The following RACGAP1 variants were observed in gnomAD, a reference collection of about 807,000 sequenced individuals.
The protein encoded by RACGAP1 is rac GTPase-activating protein 1.
In RACGAP1, 30 loss-of-function variants were observed where a neutral mutation model predicts 78.1. The ratio of observed to expected loss-of-function variants is 0.38; its 90% CI spans 0.29 to 0.52. The LOEUF (loss-of-function observed/expected upper bound fraction) is 0.52. Among genes scored for constraint, RACGAP1 ranks in the 20% least tolerant of loss-of-function variants. The probability of loss-of-function intolerance (pLI) is 0.82; values close to 1 mark genes in which losing one functional copy is unlikely to be tolerated. For synonymous variants in RACGAP1, 231 were observed against 264.8 expected (o/e 0.87, Z 1.24); for missense variants, 587 against 777.1 (o/e 0.76, Z 2.91).
chr12:50,021,674 C>T (rs1950017127), intron 1 of RACGAP1, among the ~76,000 whole-genome samples: 5 of 152,152 alleles, frequency 3.3e-5, no homozygotes, highest in Admixed American at 3.3e-4. Flanking sequence ...GTGTTAAATA[C>T]TTTAAGACAA....
At chr12:50,002,196 T>C (rs1443797061) in intron 6 of RACGAP1, 51 bp downstream of exon 6, 1 of 1,561,402 alleles carries the variant, frequency 6.4e-7, no homozygotes, top group South Asian at 1.1e-5. Context: ...TTTCCAAAAA[T>C]AACTCCATTA....
chr12:49,999,401 TA>T, intron 8 of RACGAP1, 130 bp from the exon 9 acceptor site: 3 of 1,240,006 alleles, frequency 2.4e-6, no homozygotes, highest in Non-Finnish European at 3.3e-6. Flanking sequence ...AATGGCTATG[TA>T]AAAAAACAGT....
At chr12:50,012,169 G>A (rs925226740) in intron 2 of RACGAP1, among the ~76,000 whole-genome samples, 3 of 151,980 alleles carry the variant, frequency 2.0e-5, no homozygotes, top group African/African-American at 7.2e-5. Flanking sequence ...GTTCACACCT[G>A]TAATCCCAGC....
chr12:50,011,537 G>A (rs1009489821), intron 2 of RACGAP1, among the ~76,000 whole-genome samples: 5 of 151,386 alleles, frequency 3.3e-5, no homozygotes, highest in African/African-American at 9.7e-5. Flanking sequence ...GACCAGCCCA[G>A]GAAACATGGC....
At position 49,989,996 on chromosome 12, in the gene RACGAP1, A is replaced by G; in HGVS notation, c.*272T>C. 1 of 358,404 alleles carries G rather than the reference A, an allele frequency of 2.8e-6. No homozygotes were observed. Among genetic ancestry groups the G allele is most frequent in the Non-Finnish European group, 5.0e-6 (1 of 198,130 alleles). The allele number at this position is 358,404 out of a possible 1,614,324, so 22.2% of individuals were successfully genotyped here. A position where few individuals can be genotyped will look rare whatever the true frequency, so the allele number is the denominator to read the frequency against. On this transcript the variant is annotated 3_prime_UTR_variant, in exon 17 of 17. Coordinates refer to ENST00000312377, the MANE Select transcript of RACGAP1 (RefSeq NM_001319999.2). The stretch of plus-strand genomic sequence containing the variant: ...ACCCCCTTCCCCAAAAAGAATCACA[A>G]CCAATTCCATACTAACCCTTCTACC...
At chr12:49,998,373 C>T (rs548389182) in intron 9 of RACGAP1, among the ~76,000 whole-genome samples, 1 of 151,664 alleles carries the variant, frequency 6.6e-6, no homozygotes, top group Non-Finnish European at 1.5e-5. Context: ...CACTGCACTC[C>T]AGCCTGGGCA....
At chr12:50,010,570 G>A (rs536780985) in intron 2 of RACGAP1, among the ~76,000 whole-genome samples, 18 of 151,796 alleles carry the variant, frequency 1.2e-4, no homozygotes, top group Non-Finnish European at 2.5e-4. Flanking sequence ...TGATCCACCT[G>A]CCTTGGCCTC....
intron 1 of RACGAP1, among the ~76,000 whole-genome samples, chr12:50,021,790 C>A (rs574473044): frequency 6.6e-6 from 1 of 152,294 alleles, no homozygotes; most frequent in South Asian, 2.1e-4. Flanking sequence ...AATATAGATT[C>A]CCTGCTGTCA....
Position 50,005,330 on chromosome 12 carries a change from T to G in RACGAP1, c.351A>C (p.Leu117=), listed in dbSNP as rs747225852. The change falls in exon 4 of 17, where the codon CTA becomes CTC. Residue 117 remains leucine (L), a synonymous_variant. Coordinates refer to ENST00000312377, the MANE Select transcript of RACGAP1 (RefSeq NM_001319999.2). The part of the protein sequence containing the change: ...LMCDTSGSIQ[L]SEEQKSALAF... Reference sequence around the variant, plus strand: ...CCAGAGCTGATTTTTGCTCCTCGCTTAGTTGAATGCTGCCAGATGTGTCAC... The same window carrying G: ...CCAGAGCTGATTTTTGCTCCTCGCTGAGTTGAATGCTGCCAGATGTGTCAC... 4 of 1,614,240 alleles carry G rather than the reference T, an allele frequency of 2.5e-6. No individual in the cohort carries two copies. The South Asian group carries it at 4.4e-5, about 18-fold the overall frequency.
At chr12:49,991,493 T>TA (rs1947870012) in intron 15 of RACGAP1, among the ~76,000 whole-genome samples, 1 of 52,386 alleles carries the variant, frequency 1.9e-5, no homozygotes, top group Non-Finnish European at 5.1e-5. Flanking sequence ...TTTTTTTTTT[T>TA]TTTTTTTTTT....
intron 5 of RACGAP1, among the ~76,000 whole-genome samples, chr12:50,003,905 A>G (rs1266692095): frequency 6.6e-6 from 1 of 152,226 alleles, no homozygotes; most frequent in Non-Finnish European, 1.5e-5. Flanking sequence ...AACCCTGACG[A>G]CATACAGTCT....
intron 2 of RACGAP1, among the ~76,000 whole-genome samples, chr12:50,011,910 TG>T (rs1949358396): frequency 1.5e-5 from 2 of 136,522 alleles, no homozygotes; most frequent in Admixed American, 8.6e-5. Context: ...GCCGAGATCG[TG>T]CCACTGTACT....
At chr12:50,026,329 T>C (rs1042399894), upstream of RACGAP1, among the ~76,000 whole-genome samples, 3 of 151,304 alleles carry the variant, frequency 2.0e-5, no homozygotes, top group African/African-American at 7.3e-5. Flanking sequence ...GATCACTTAC[T>C]GTCACATTGG....
intron 7 of RACGAP1, 96 bp downstream of exon 7, chr12:50,001,076 C>T: frequency 2.9e-6 from 3 of 1,036,480 alleles, no homozygotes; most frequent in Non-Finnish European, 4.3e-6. Context: ...TTTAACTAAA[C>T]ATCATGTCTC....
chr12:50,009,242 CAAAAAAAAAAA>C (rs397751749), intron 2 of RACGAP1, among the ~76,000 whole-genome samples: 1 of 65,260 alleles, frequency 1.5e-5, no homozygotes, highest in Non-Finnish European at 3.4e-5. Context: ...GATGCTGTCT[CAAAAAAAAAAA>C]AAAAAAAAAA....
intron 2 of RACGAP1, among the ~76,000 whole-genome samples, chr12:50,030,830 A>C (rs1450699765): frequency 6.6e-6 from 1 of 151,710 alleles, no homozygotes; most frequent in African/African-American, 2.4e-5. Context: ...CCCAGGCTGG[A>C]GTGCAATGGC....
chr12:50,028,004 A>G (rs991492552), upstream of RACGAP1, among the ~76,000 whole-genome samples: 1 of 152,166 alleles, frequency 6.6e-6, no homozygotes, highest in African/African-American at 2.4e-5. Context: ...ATGAGACCAC[A>G]CTAGGAACGG....
intron 9 of RACGAP1, among the ~76,000 whole-genome samples, chr12:49,998,201 G>A (rs1363799589): frequency 6.6e-6 from 1 of 151,964 alleles, no homozygotes; most frequent in Non-Finnish European, 1.5e-5. Context: ...TCAGTAGTTT[G>A]AGACCAGCCT....
Position 50,001,346 on chromosome 12 carries a change from C to T in RACGAP1, c.550-94G>A. ...CCATCAAACAACTTGGATACAGGTC[C>T]TGGGGATTAGGGCTACAGTAAATAA... On this transcript the variant is annotated intron_variant, in intron 6 of 16. Transcript: ENST00000312377. 4 of 977,560 alleles carry T rather than the reference C, an allele frequency of 4.1e-6. No homozygotes were observed. In the South Asian group the frequency reaches 5.7e-5, roughly 14 times the overall value. The allele number at this position is 977,560 out of a possible 1,614,324, so 60.6% of individuals were successfully genotyped here.
Sources: allele counts gnomAD v4.1 joint callset (sites outside exome capture counted in the v4.1 genomes callset), GRCh38; gene constraint gnomAD v4.1.1; transcripts MANE v1.5; gene names NCBI Gene and HGNC (gene_info 2026-07-23, HGNC 2026-07-21).